The following SCNN1B variants were observed in gnomAD, a reference collection of about 807,000 sequenced individuals.
SCNN1B encodes the protein epithelial sodium channel subunit beta.
In SCNN1B, 46 loss-of-function variants were observed where a neutral mutation model predicts 65.3. The ratio of observed to expected loss-of-function variants is 0.70; its 90% confidence interval spans 0.56 to 0.90. The LOEUF is 0.90. Among genes scored for constraint, SCNN1B ranks in the 40% least tolerant of loss-of-function variants. The pLI, the probability that SCNN1B is intolerant of heterozygous loss-of-function variation, is 0.00. For synonymous variants in SCNN1B, 349 were observed against 330.6 expected, an observed-to-expected ratio of 1.06 and a Z score of -0.60; for missense variants, 751 against 830.5, an observed-to-expected ratio of 0.90 and a Z score of 1.18.
At chr16:23,294,645 C>T (rs1960970312) in intron 2 of SCNN1B, among the ~76,000 whole-genome samples, 1 of 152,166 alleles carries the variant, frequency 6.6e-6, no homozygotes, top group Admixed American at 6.5e-5. Flanking sequence ...AGCCAACCTC[C>T]ATACCTCCTT....
At chr16:23,367,713 C>T in intron 4 of SCNN1B, 143 bp from the exon 5 acceptor site, 1 of 745,172 alleles carries the variant, frequency 1.3e-6, no homozygotes, top group Non-Finnish European at 2.4e-6. Flanking sequence ...CTGGTTTGGA[C>T]CAGAGGATGG....
intron 1 of SCNN1B, among the ~76,000 whole-genome samples, chr16:23,279,328 C>T (rs549818315): frequency 3.3e-5 from 5 of 152,296 alleles, no homozygotes; most frequent in African/African-American, 1.2e-4. Context: ...GATCTGCCCA[C>T]CTCAGCCTCC....
chr16:23,352,328 C>A (rs1446320121), intron 2 of SCNN1B, among the ~76,000 whole-genome samples: 2 of 152,190 alleles, frequency 1.3e-5, no homozygotes, highest in African/African-American at 4.8e-5. Context: ...TACATAGTGG[C>A]AGCCATGCTG....
chr16:23,367,996 G>A (rs1962707000), intron 5 of SCNN1B, 37 bp downstream of exon 5: 4 of 1,469,294 alleles, frequency 2.7e-6, no homozygotes, highest in East Asian at 2.3e-5. Context: ...GAGCCATGAG[G>A]CTTTAACCAC....
chr16:23,375,828 T>C lies in SCNN1B; in HGVS notation c.1243T>C (p.Cys415Arg). The C allele has an allele frequency of 6.8e-6, 11 of 1,613,594 alleles. No individual in the cohort carries two copies. Among genetic ancestry groups the C allele is most frequent in the Non-Finnish European group, 9.3e-6 (11 of 1,179,454 alleles). Residue 415 changes from cysteine to arginine, a missense_variant, in exon 8 of 13, where the codon TGC becomes CGC. Coordinates refer to ENST00000343070, the MANE Select transcript of SCNN1B (RefSeq NM_000336.3). ...LYPLPRGEKY[C>R]NNRDFPDWAH... ...CCCACTGCCCCGTGGGGAGAAATAC[T>C]GCAACAACCGGGACTTCCCAGACTG...
chr16:23,331,657 G>C (rs1961814753), intron 1 of SCNN1B, among the ~76,000 whole-genome samples: 1 of 152,118 alleles, frequency 6.6e-6, no homozygotes, highest in Admixed American at 6.5e-5. Context: ...TCCCACTCAT[G>C]ATACATGATT....
intron 1 of SCNN1B, among the ~76,000 whole-genome samples, chr16:23,325,626 A>G (rs1487801235): frequency 1.3e-5 from 2 of 152,036 alleles, no homozygotes; most frequent in Non-Finnish European, 2.9e-5. Flanking sequence ...ACAGGTACAA[A>G]TATCAGAATG....
intron 4 of SCNN1B, among the ~76,000 whole-genome samples, chr16:23,360,591 G>GTTTTT (rs35772167): frequency 5.2e-5 from 5 of 95,280 alleles, no homozygotes; most frequent in Non-Finnish European, 5.9e-5. Context: ...GGTGGTGGTG[G>GTTTTT]TTTTTTTTTT....
intron 10 of SCNN1B, 151 bp downstream of exon 10, chr16:23,377,537 C>A: frequency 1.5e-6 from 1 of 682,244 alleles, no homozygotes; most frequent in East Asian, 2.8e-5. Context: ...TTCCTTCTTT[C>A]TCTGCTTTAT....
intron 1 of SCNN1B, among the ~76,000 whole-genome samples, chr16:23,318,663 G>T (rs1961523508): frequency 6.6e-6 from 1 of 152,150 alleles, no homozygotes; most frequent in Non-Finnish European, 1.5e-5. Flanking sequence ...GTGTATTCTA[G>T]CTCTCCCTGT....
chr16:23,367,760 C>A (rs1331534827), intron 4 of SCNN1B, 96 bp from the exon 5 acceptor site: 6 of 959,944 alleles, frequency 6.3e-6, no homozygotes, highest in African/African-American at 3.2e-5. Flanking sequence ...CCTTTCGGAG[C>A]CCCTCCAAGG....
intron 1 of SCNN1B, among the ~76,000 whole-genome samples, chr16:23,307,545 C>T (rs187691464): frequency 2.3e-3 from 345 of 152,178 alleles, no homozygotes; most frequent in African/African-American, 7.9e-3. Context: ...GTCTCGAACT[C>T]CTGACCTCAG....
chr16:23,380,910 C>A lies in SCNN1B; in HGVS notation c.*109C>A, dbSNP rs1458173358. ...CCAAAGGGTCGGGAGGGTAGCTCTC[C>A]AGGCCAGAGCTTGTGTCCTTCAACA... On this transcript the variant is annotated 3_prime_UTR_variant, in exon 13 of 13. Transcript: ENST00000343070. The surrounding 1 kb of genome is among the most constrained non-coding windows in gnomAD (Gnocchi z 5.4). The A allele has an allele frequency of 3.3e-6, 4 of 1,211,124 alleles. No homozygotes were observed. Among genetic ancestry groups the A allele is most frequent in the Non-Finnish European group, 4.9e-6 (4 of 822,158 alleles). 75.0% of individuals were successfully genotyped at this position (1,211,124 alleles called of 1,614,324 possible).
At chr16:23,312,754 G>C (rs1961371818) in intron 1 of SCNN1B, among the ~76,000 whole-genome samples, 1 of 152,096 alleles carries the variant, frequency 6.6e-6, no homozygotes, top group African/African-American at 2.4e-5. Flanking sequence ...GTTGGAAGAG[G>C]AGCCTAGCTG....
chr16:23,340,361 A>G lies in SCNN1B; in HGVS notation c.-8-8231A>G, dbSNP rs113176056. Among the ~76,000 whole-genome samples the G allele has an allele frequency of 3.5e-3, 534 of 152,306 alleles. 4 individuals carry two copies. The highest frequency in any genetic ancestry group is 0.012 in the African/African-American group (491 of 41,568). On this transcript the variant is annotated intron_variant, in intron 1 of 12. Coordinates refer to ENST00000343070, the MANE Select transcript of SCNN1B (RefSeq NM_000336.3). ...TAGTGTCCTATCTGAAGATCTTTGCATATCCTAAGGTTACACAGATTTTCT... is the reference window on the plus strand; with the variant it reads ...TAGTGTCCTATCTGAAGATCTTTGCGTATCCTAAGGTTACACAGATTTTCT...
In SCNN1B at chr16:23,380,767, T is replaced by C. The variant is rs774953001; in HGVS notation, c.1889T>C (p.Val630Ala). The C allele has an allele frequency of 6.2e-7, 1 of 1,612,314 alleles. No homozygotes were observed. The highest frequency in any genetic ancestry group is 8.5e-7 in the Non-Finnish European group (1 of 1,179,894). Residue 630 changes from valine to alanine, a missense_variant, in exon 13 of 13, where the codon GTC (valine) becomes GCC (alanine). Transcript: ENST00000343070. The surrounding 1 kb of genome is among the most constrained non-coding windows in gnomAD (Gnocchi z 5.4). ...TCCCTGCGTCTGCAGCCGCTGGACG[T>C]CATCGAGTCTGACAGTGAGGGTGAT... ...YDSLRLQPLD[V>A]IESDSEGDAI
chr16:23,341,032 G>A (rs1195861467), intron 1 of SCNN1B, among the ~76,000 whole-genome samples: 1 of 152,088 alleles, frequency 6.6e-6, no homozygotes, highest in Non-Finnish European at 1.5e-5. Flanking sequence ...ATTCTGCTAG[G>A]ATTTTGGTTG....
At chr16:23,328,283 C>T (rs749526347) in intron 1 of SCNN1B, among the ~76,000 whole-genome samples, 1 of 152,124 alleles carries the variant, frequency 6.6e-6, no homozygotes, top group Non-Finnish European at 1.5e-5. Context: ...AGCATCCAAC[C>T]TGTGATTTTG....
At chr16:23,365,120 C>T (rs1962621396) in intron 4 of SCNN1B, among the ~76,000 whole-genome samples, 1 of 151,108 alleles carries the variant, frequency 6.6e-6, no homozygotes, top group Admixed American at 6.6e-5. Context: ...GAGCAAAACT[C>T]CATCTCAAAA....
Sources: gnomAD v4.1 joint callset for allele counts (sites outside exome capture counted in the v4.1 genomes callset) on GRCh38, gnomAD v4.1.1 for gene constraint, Gnocchi (gnomAD v3.1) non-coding constraint, MANE v1.5 for transcripts, NCBI Gene and HGNC (gene_info 2026-07-23, HGNC 2026-07-21) for gene names.